CADPS2: variants seen among roughly 807,000 people sequenced by gnomAD.
CADPS2 encodes the protein calcium-dependent secretion activator 2.
In CADPS2, 93 loss-of-function variants were observed where a neutral mutation model predicts 172.5. The ratio of observed to expected loss-of-function variants is 0.54; its 90% CI spans 0.46 to 0.64. The LOEUF is 0.64. Ranked by LOEUF, CADPS2 falls within the 30% of genes least tolerant of loss-of-function variation. The pLI is 0.00. For synonymous variants in CADPS2, 546 were observed against 555.2 expected (o/e 0.98, Z 0.23); for missense variants, 1,420 against 1,565.9 (o/e 0.91, Z 1.57).
chr7:122,478,269 G>A (rs1334596799), intron 12 of CADPS2, among the ~76,000 whole-genome samples: 1 of 152,142 alleles, frequency 6.6e-6, no homozygotes, highest in Non-Finnish European at 1.5e-5. Flanking sequence ...CTCTGATAAT[G>A]GAAAATTTTA....
At chr7:122,655,112 TG>T (rs2079589405) in intron 3 of CADPS2, among the ~76,000 whole-genome samples, 1 of 152,210 alleles carries the variant, frequency 6.6e-6, no homozygotes, top group African/African-American at 2.4e-5. Context: ...TTGCTTCTTA[TG>T]GACGAACAAA....
intron 3 of CADPS2, among the ~76,000 whole-genome samples, chr7:122,657,935 C>A (rs57717649): frequency 0.036 from 5,420 of 152,134 alleles, 303 homozygotes; most frequent in African/African-American, 0.12. Flanking sequence ...CAGAAGCTGC[C>A]ATCAGAGTGA....
At chr7:122,821,280 G>T (rs1446294711) in intron 1 of CADPS2, among the ~76,000 whole-genome samples, 2 of 152,072 alleles carry the variant, frequency 1.3e-5, no homozygotes, top group Non-Finnish European at 2.9e-5. Flanking sequence ...GCAAAGGCAG[G>T]TTATGCTATA....
chr7:122,796,173 CA>C (rs1796331317), intron 1 of CADPS2, among the ~76,000 whole-genome samples: 2 of 152,264 alleles, frequency 1.3e-5, no homozygotes, highest in South Asian at 2.1e-4. Flanking sequence ...AATATCTCCA[CA>C]AGGATAACTA....
chr7:122,565,350 C>T (rs990638657), intron 7 of CADPS2, among the ~76,000 whole-genome samples: 1 of 151,960 alleles, frequency 6.6e-6, no homozygotes, highest in Non-Finnish European at 1.5e-5. Context: ...CTCTGCGATA[C>T]ATTTTCATAT....
chr7:122,812,891 C>T (rs1436599966), intron 1 of CADPS2, among the ~76,000 whole-genome samples: 2 of 152,168 alleles, frequency 1.3e-5, no homozygotes, highest in African/African-American at 4.8e-5. Context: ...CTCTACAGAA[C>T]CAACATTACT....
At chr7:122,539,832 T>C (rs542637222) in intron 8 of CADPS2, among the ~76,000 whole-genome samples, 10 of 152,176 alleles carry the variant, frequency 6.6e-5, no homozygotes, top group Admixed American at 5.9e-4. Flanking sequence ...TCTCTCTTTC[T>C]TTCTTTAGTA....
At chr7:122,597,332 C>A (rs915616211) in intron 6 of CADPS2, among the ~76,000 whole-genome samples, 2 of 152,062 alleles carry the variant, frequency 1.3e-5, no homozygotes, top group African/African-American at 4.8e-5. Flanking sequence ...TTATATCTGG[C>A]AAATCAGAAG....
rs1400780815 is a variant in CADPS2 at position 122,583,506 on chromosome 7, G to C, written c.1224-2216C>G. Among the ~76,000 whole-genome samples, 15 of 151,262 alleles carry C rather than the reference G, an allele frequency of 9.9e-5. No homozygotes were observed. In the Admixed American group the frequency reaches 9.9e-4, roughly 10 times the overall value. The stretch of plus-strand genomic sequence containing the variant: ...ACCTTTAAGTGTGATAACTGCTCTA[G>C]GTTTTCAGTAGTCTTTTATAGGTAA... On this transcript the variant is annotated intron_variant, in intron 6 of 29. Transcript: ENST00000449022.
At chr7:122,763,128 A>C (rs575935914) in intron 1 of CADPS2, among the ~76,000 whole-genome samples, 3 of 152,274 alleles carry the variant, frequency 2.0e-5, no homozygotes, top group African/African-American at 7.2e-5. Flanking sequence ...GATACAGAGA[A>C]AACTGAGCAC....
chr7:122,336,180 T>C (rs552558379), intron 28 of CADPS2, among the ~76,000 whole-genome samples: 1 of 152,338 alleles, frequency 6.6e-6, no homozygotes, highest in East Asian at 1.9e-4. Flanking sequence ...TGCTGGTTCC[T>C]TACACAGATT....
At chr7:122,590,442 C>G (rs2070609053) in intron 6 of CADPS2, among the ~76,000 whole-genome samples, 1 of 151,884 alleles carries the variant, frequency 6.6e-6, no homozygotes, top group African/African-American at 2.4e-5. Flanking sequence ...AGTGTCAGAA[C>G]ATGGATTTAT....
chr7:122,712,977 G>C (rs2089000380), intron 2 of CADPS2, among the ~76,000 whole-genome samples: 1 of 151,882 alleles, frequency 6.6e-6, no homozygotes, highest in African/African-American at 2.4e-5. Flanking sequence ...ATCTCAAGGG[G>C]AACACAAACA....
At chr7:122,737,832 A>T (rs914691361) in intron 1 of CADPS2, among the ~76,000 whole-genome samples, 1 of 152,190 alleles carries the variant, frequency 6.6e-6, no homozygotes, top group South Asian at 2.1e-4. Flanking sequence ...GATGCCTTGG[A>T]CAAGAGTTAA....
rs569680525 is a variant in CADPS2, at chr7:122,325,245, T to C, written c.3717+232A>G. The stretch of plus-strand genomic sequence containing the variant: ...CAGGTAACTGTGCTGGGGCTTTATG[T>C]ATTTAATCTCAAACTGTGAGTATTT... On this transcript the variant is annotated intron_variant, in intron 29 of 29. Coordinates refer to ENST00000449022, the MANE Select transcript of CADPS2 (RefSeq NM_017954.11). 1.3e-4 allele frequency among the ~76,000 whole-genome samples: 20 copies of C among 152,258 alleles called. No homozygotes were observed. In the East Asian group the frequency reaches 3.5e-3, roughly 26 times the overall value.
chr7:122,452,761 C>T (rs187855474), intron 14 of CADPS2, among the ~76,000 whole-genome samples: 25 of 152,114 alleles, frequency 1.6e-4, no homozygotes, highest in Admixed American at 3.3e-4. Context: ...TTCCAATGTA[C>T]TAATTTTAAT....
chr7:122,828,248 A>ATT (rs59838743), intron 1 of CADPS2, among the ~76,000 whole-genome samples: 7 of 151,860 alleles, frequency 4.6e-5, no homozygotes, highest in African/African-American at 1.2e-4. Flanking sequence ...CATTTCTACT[A>ATT]TTTTTTATCA....
chr7:122,681,742 T>A, intron 2 of CADPS2: 7 of 536,944 alleles, frequency 1.3e-5, no homozygotes, highest in East Asian at 3.2e-5. Flanking sequence ...ATAATAATAA[T>A]AATAAAAGAA....
chr7:122,537,572 CAA>C (rs1038256354), intron 8 of CADPS2, among the ~76,000 whole-genome samples: 11 of 151,292 alleles, frequency 7.3e-5, no homozygotes, highest in African/African-American at 2.4e-4. Context: ...AAAACAAAAA[CAA>C]AAATTTCATA....
Sources: allele counts gnomAD v4.1 joint callset (sites outside exome capture counted in the v4.1 genomes callset), GRCh38; gene constraint gnomAD v4.1.1; transcripts MANE v1.5; gene names NCBI Gene and HGNC (gene_info 2026-07-23, HGNC 2026-07-21).